UHRF1: variants seen among roughly 807,000 people sequenced by gnomAD.
The protein encoded by UHRF1 is E3 ubiquitin-protein ligase UHRF1.
Under a neutral mutation model 96.5 loss-of-function variants are expected in UHRF1, and 9 were observed. That is an observed-to-expected ratio of 0.09 (90% CI 0.06 to 0.16). The LOEUF (loss-of-function observed/expected upper bound fraction) is 0.16, where lower values mean the gene tolerates loss of function less well. Among genes scored for constraint, UHRF1 ranks in the 10% least tolerant of loss-of-function variants. UHRF1 has a pLI of 1.00. For synonymous variants in UHRF1, 455 were observed against 469.9 expected, an observed-to-expected ratio of 0.97 and a Z score of 0.41; for missense variants, 626 against 1,131.1, an observed-to-expected ratio of 0.55 and a Z score of 6.40.
Position 4,904,475 on chromosome 19 carries a change from A to G in UHRF1, c.-11+830A>G, listed in dbSNP as rs573020708. On this transcript the variant is annotated intron_variant, in intron 1 of 16. Transcript: ENST00000612630. Reference sequence around the variant, plus strand: ...ATTACAGGCGTGAGCCACCGCACCCAGCCAATTTTTGTTATTTTTAGTAGA... The same window carrying G: ...ATTACAGGCGTGAGCCACCGCACCCGGCCAATTTTTGTTATTTTTAGTAGA... Among the ~76,000 whole-genome samples the G allele has an allele frequency of 7.2e-5, 11 of 151,964 alleles. No individual in the cohort carries two copies. The South Asian group carries it at 1.0e-3, about 14-fold the overall frequency.
chr19:4,911,681 C>G (rs2032283647), intron 2 of UHRF1, among the ~76,000 whole-genome samples: 1 of 152,164 alleles, frequency 6.6e-6, no homozygotes, highest in South Asian at 2.1e-4. Flanking sequence ...AAAATGTCCC[C>G]CTTTGATTTC....
intron 2 of UHRF1, among the ~76,000 whole-genome samples, chr19:4,917,702 G>T (rs946227248): frequency 2.7e-5 from 4 of 149,584 alleles, no homozygotes; most frequent in Non-Finnish European, 4.4e-5. Context: ...CTGTCGTCCA[G>T]GCTGGAGTGC....
intron 2 of UHRF1, among the ~76,000 whole-genome samples, chr19:4,927,809 C>G (rs1371943732): frequency 6.6e-6 from 1 of 152,156 alleles, no homozygotes; most frequent in Admixed American, 6.5e-5. Flanking sequence ...CCAGAGTGGT[C>G]AGCCCTAATG....
chr19:4,924,396 G>A (rs541437059), intron 2 of UHRF1, among the ~76,000 whole-genome samples: 49 of 152,186 alleles, frequency 3.2e-4, no homozygotes, highest in African/African-American at 1.1e-3. Context: ...TGATCCACCC[G>A]CCTCGGCCTC....
intron 7 of UHRF1, among the ~76,000 whole-genome samples, chr19:4,943,894 G>A (rs1399453546): frequency 1.3e-5 from 2 of 152,168 alleles, no homozygotes; most frequent in African/African-American, 4.8e-5. Flanking sequence ...CAGGTGATCT[G>A]CCCGCCTCGG....
chr19:4,937,355 C>G (rs1051630390), intron 5 of UHRF1, among the ~76,000 whole-genome samples: 2 of 119,512 alleles, frequency 1.7e-5, no homozygotes, highest in Non-Finnish European at 3.4e-5. Flanking sequence ...GGATTTTTTG[C>G]TGTTTAAGAT....
chr19:4,914,074 C>G (rs2032396668), intron 2 of UHRF1, among the ~76,000 whole-genome samples: 1 of 152,060 alleles, frequency 6.6e-6, no homozygotes, highest in Non-Finnish European at 1.5e-5. Flanking sequence ...CCCTCCCCCA[C>G]CTTGGCCTCC....
chr19:4,930,925 G>C lies in UHRF1; in HGVS notation c.569+49G>C. ...CCTGGGTATTCAGGCTCTGTGACGCGCATCCTTGGCTGCGGGTGTTCAGGC... is the reference window on the plus strand; with the variant it reads ...CCTGGGTATTCAGGCTCTGTGACGCCCATCCTTGGCTGCGGGTGTTCAGGC... On this transcript the variant is annotated intron_variant, in intron 4 of 16. Transcript: ENST00000650932. The surrounding 1 kb of genome is among the most constrained non-coding windows in gnomAD (Gnocchi z 4.4). 1 of 1,603,912 alleles carries C rather than the reference G, an allele frequency of 6.2e-7. No homozygotes were observed. The highest frequency in any genetic ancestry group is 1.3e-5 in the African/African-American group (1 of 74,900).
chr19:4,936,099 G>A (rs965124579), intron 5 of UHRF1, among the ~76,000 whole-genome samples: 7 of 152,190 alleles, frequency 4.6e-5, no homozygotes, highest in Non-Finnish European at 1.0e-4. Flanking sequence ...GCCCTCTGGG[G>A]ATGCAGGAGG....
chr19:4,927,922 G>A (rs575465847), intron 2 of UHRF1, among the ~76,000 whole-genome samples: 2 of 152,322 alleles, frequency 1.3e-5, no homozygotes, highest in South Asian at 2.1e-4. Context: ...CGGGGCAGAC[G>A]TGGAAACCAG....
intron 1 of UHRF1, among the ~76,000 whole-genome samples, chr19:4,904,325 TCC>T: frequency 6.6e-6 from 1 of 152,104 alleles, no homozygotes; most frequent in Non-Finnish European, 1.5e-5. Context: ...ACTACAGGCG[TCC>T]GCCACAAATG....
intron 2 of UHRF1, 129 bp downstream of exon 2, chr19:4,911,167 C>T: frequency 1.1e-6 from 1 of 893,860 alleles, no homozygotes; most frequent in Middle Eastern, 3.7e-4. Context: ...TCATCTCTCC[C>T]GGAAGGAGAA....
chr19:4,946,802 C>T (rs1356734400), intron 10 of UHRF1, among the ~76,000 whole-genome samples: 2 of 152,086 alleles, frequency 1.3e-5, no homozygotes, highest in East Asian at 3.9e-4. Flanking sequence ...TCTCGAACTC[C>T]TGGGCTTAAG....
At chr19:4,934,004 T>C (rs2033142994) in intron 5 of UHRF1, among the ~76,000 whole-genome samples, 2 of 147,046 alleles carry the variant, frequency 1.4e-5, no homozygotes, top group South Asian at 4.2e-4. Context: ...TGTGATAAAA[T>C]GTATGTAACA....
At chr19:4,943,196 C>T (rs983018979) in intron 7 of UHRF1, among the ~76,000 whole-genome samples, 4 of 152,092 alleles carry the variant, frequency 2.6e-5, no homozygotes, top group Non-Finnish European at 4.4e-5. Context: ...ACTGAGATCG[C>T]GCCACTGCAC....
chr19:4,919,862 A>T (rs535271365), intron 2 of UHRF1, among the ~76,000 whole-genome samples: 4 of 150,850 alleles, frequency 2.7e-5, no homozygotes, highest in Admixed American at 6.6e-5. Flanking sequence ...TTGTTGCCCA[A>T]GCTGGAGTGC....
At chr19:4,924,060 A>G (rs1599254701) in intron 2 of UHRF1, among the ~76,000 whole-genome samples, 1 of 152,320 alleles carries the variant, frequency 6.6e-6, no homozygotes, top group South Asian at 2.1e-4. Context: ...TCCACCTCCC[A>G]GGTTCAAATG....
chr19:4,904,168 T>C (rs910760710), intron 1 of UHRF1, among the ~76,000 whole-genome samples: 2 of 150,136 alleles, frequency 1.3e-5, no homozygotes, highest in African/African-American at 2.5e-5. Flanking sequence ...ATTTTTGTTC[T>C]TTTTGTTTTT....
At chr19:4,922,062 T>C (rs2032719727) in intron 2 of UHRF1, among the ~76,000 whole-genome samples, 1 of 152,232 alleles carries the variant, frequency 6.6e-6, no homozygotes, top group African/African-American at 2.4e-5. Context: ...TTCTCCTGCC[T>C]TAGCCTCCTG....
Sources: allele counts gnomAD v4.1 joint callset (sites outside exome capture counted in the v4.1 genomes callset), GRCh38; gene constraint gnomAD v4.1.1; non-coding constraint Gnocchi (gnomAD v3.1); transcripts MANE v1.5; gene names NCBI Gene and HGNC (gene_info 2026-07-23, HGNC 2026-07-21).